The following GRAMD1B variants were observed in gnomAD, a reference collection of about 807,000 sequenced individuals.
GRAMD1B encodes GRAM domain containing 1B, also known as protein Aster-B.
Under a neutral mutation model 99.7 loss-of-function variants are expected in GRAMD1B, and 37 were observed. The ratio of observed to expected loss-of-function variants is 0.37; its 90% CI spans 0.29 to 0.49. The LOEUF is 0.49. Ranked by LOEUF, GRAMD1B falls within the 20% of genes least tolerant of loss-of-function variation. The probability of loss-of-function intolerance (pLI) is 0.98; values close to 1 mark genes in which losing one functional copy is unlikely to be tolerated. For synonymous variants in GRAMD1B, 427 were observed against 387.6 expected (o/e 1.10, Z -1.19); for missense variants, 888 against 1,009.2 (o/e 0.88, Z 1.63).
chr11:123,392,828 C>G (rs1373844772), intron 1 of GRAMD1B, among the ~76,000 whole-genome samples: 1 of 152,190 alleles, frequency 6.6e-6, no homozygotes, highest in African/African-American at 2.4e-5. Flanking sequence ...CAGAACTTCA[C>G]AGGCTGCCTG....
chr11:123,466,518 A>C (rs924415773), intron 1 of GRAMD1B, among the ~76,000 whole-genome samples: 5 of 152,214 alleles, frequency 3.3e-5, no homozygotes, highest in African/African-American at 7.2e-5. Flanking sequence ...TGACTGACTG[A>C]TTTGGGCATA....
chr11:123,362,329 CT>C (rs1375668474), intron 1 of GRAMD1B, among the ~76,000 whole-genome samples: 1 of 152,094 alleles, frequency 6.6e-6, no homozygotes, highest in African/African-American at 2.4e-5. Flanking sequence ...ATGGTGAGAC[CT>C]TTTTGAGATC....
chr11:123,508,070 G>A (rs1298773140), intron 2 of GRAMD1B, among the ~76,000 whole-genome samples: 1 of 149,298 alleles, frequency 6.7e-6, no homozygotes, highest in East Asian at 2.0e-4. Flanking sequence ...CAGTATCCAT[G>A]GAGGGTAATG....
intron 2 of GRAMD1B, among the ~76,000 whole-genome samples, chr11:123,518,308 G>A (rs1490811841): frequency 2.6e-5 from 4 of 152,156 alleles, no homozygotes; most frequent in South Asian, 4.1e-4. Context: ...GGAGGTGAAG[G>A]GGAAAGTGGG....
chr11:123,391,845 G>A (rs1235141373), intron 1 of GRAMD1B, among the ~76,000 whole-genome samples: 1 of 152,254 alleles, frequency 6.6e-6, no homozygotes, highest in Non-Finnish European at 1.5e-5. Context: ...ATCTATGAAA[G>A]AGGCAGGTGG....
At chr11:123,569,276 A>G (rs549184954) in intron 2 of GRAMD1B, among the ~76,000 whole-genome samples, 169 of 152,262 alleles carry the variant, frequency 1.1e-3, no homozygotes, top group Non-Finnish European at 1.7e-3. Flanking sequence ...GGGGGTTATG[A>G]CAAGGAGTGA....
At chr11:123,480,225 CCTT>C (rs1951516653) in intron 1 of GRAMD1B, among the ~76,000 whole-genome samples, 2 of 152,128 alleles carry the variant, frequency 1.3e-5, no homozygotes, top group East Asian at 1.9e-4. Flanking sequence ...ACCCTTTATT[CCTT>C]CTTCTATTTC....
intron 19 of GRAMD1B, among the ~76,000 whole-genome samples, chr11:123,621,167 A>G (rs1955076628): frequency 6.6e-6 from 1 of 152,194 alleles, no homozygotes; most frequent in South Asian, 2.1e-4. Context: ...TGAACCAGAG[A>G]GAAGAAAGTG....
intron 1 of GRAMD1B, among the ~76,000 whole-genome samples, chr11:123,375,847 C>T (rs941907845): frequency 3.9e-5 from 6 of 152,120 alleles, no homozygotes; most frequent in African/African-American, 1.4e-4. Context: ...AAGAAGTTTT[C>T]GTGTACTCAT....
intron 2 of GRAMD1B, among the ~76,000 whole-genome samples, chr11:123,523,139 C>CA (rs1047361486): frequency 2.0e-5 from 3 of 152,234 alleles, no homozygotes; most frequent in African/African-American, 7.2e-5. Context: ...CAAGACCAGC[C>CA]TGGTCAACAT....
chr11:123,602,720 T>C (rs1166154316), intron 8 of GRAMD1B, among the ~76,000 whole-genome samples: 1 of 152,018 alleles, frequency 6.6e-6, no homozygotes, highest in Non-Finnish European at 1.5e-5. Flanking sequence ...CTTAGAACAG[T>C]GTTTTTTTGG....
chr11:123,429,846 T>G (rs1361873018), upstream of GRAMD1B, among the ~76,000 whole-genome samples: 3 of 152,268 alleles, frequency 2.0e-5, no homozygotes, highest in African/African-American at 7.2e-5. The surrounding 1 kb of genome is among the most constrained non-coding windows in gnomAD (Gnocchi z 4.0). Context: ...CGGCCTGCAG[T>G]GCCACTACTC....
intron 17 of GRAMD1B, among the ~76,000 whole-genome samples, chr11:123,616,753 G>A (rs911318784): frequency 2.6e-5 from 4 of 152,190 alleles, no homozygotes; most frequent in South Asian, 2.1e-4. Context: ...CGACAACTGC[G>A]CAGGCTTCAC....
chr11:123,547,710 C>A (rs565037235), intron 2 of GRAMD1B, among the ~76,000 whole-genome samples: 1 of 152,190 alleles, frequency 6.6e-6, no homozygotes, highest in Non-Finnish European at 1.5e-5. Context: ...TTGCACAGGG[C>A]AGGGTTTTTA....
chr11:123,598,345 C>T, intron 7 of GRAMD1B: 1 of 1,159,458 alleles, frequency 8.6e-7, no homozygotes, highest in Admixed American at 1.7e-5. Context: ...TCTTCATCTT[C>T]ACTCTAACTC....
At chr11:123,405,300 T>C (rs908215533) in intron 1 of GRAMD1B, among the ~76,000 whole-genome samples, 1 of 152,092 alleles carries the variant, frequency 6.6e-6, no homozygotes, top group Non-Finnish European at 1.5e-5. Context: ...ATGTAGCTGG[T>C]GACCTCAGAC....
chr11:123,486,299 GCACTTGGGGAGGCC>G (rs1937754337), intron 2 of GRAMD1B, among the ~76,000 whole-genome samples: 1 of 152,180 alleles, frequency 6.6e-6, no homozygotes, highest in African/African-American at 2.4e-5. Flanking sequence ...TGCAATCCCA[GCACTTGGGGAGGCC>G]GACGTGGGTG....
chr11:123,511,784 G>A (rs1362825704), intron 2 of GRAMD1B, among the ~76,000 whole-genome samples: 1 of 152,168 alleles, frequency 6.6e-6, no homozygotes, highest in Admixed American at 6.5e-5. Flanking sequence ...TCTGCTGCCA[G>A]CCTGAACCGG....
chr11:123,527,589 A>G (rs1942927074), intron 2 of GRAMD1B, among the ~76,000 whole-genome samples: 1 of 152,004 alleles, frequency 6.6e-6, no homozygotes, highest in South Asian at 2.1e-4. Context: ...GTGGGAGGCT[A>G]TTAGCAGTGT....
Sources: gnomAD v4.1 joint callset for allele counts (sites outside exome capture counted in the v4.1 genomes callset) on GRCh38, gnomAD v4.1.1 for gene constraint, Gnocchi (gnomAD v3.1) non-coding constraint, MANE v1.5 for transcripts, NCBI Gene and HGNC (gene_info 2026-07-23, HGNC 2026-07-21) for gene names.